The following GRIP1 variants were observed in gnomAD, a reference collection of about 807,000 sequenced individuals.
GRIP1 encodes the protein glutamate receptor interacting protein 1.
In GRIP1, 45 loss-of-function variants were observed where a neutral mutation model predicts 129.9. The observed-to-expected ratio is 0.35, with a 90% CI of 0.27 to 0.44. The LOEUF (loss-of-function observed/expected upper bound fraction) is 0.44. GRIP1 is among the 20% of genes least tolerant of loss of function. The pLI, the probability that GRIP1 is intolerant of heterozygous loss-of-function variation, is 1.00. For missense variants in GRIP1, 1,196 were observed against 1,396.8 expected (o/e 0.86, Z 2.29); for synonymous variants, 530 against 520.8 (o/e 1.02, Z -0.24).
At chr12:67,066,323 G>T (rs994304696) in intron 1 of GRIP1, among the ~76,000 whole-genome samples, 5 of 152,170 alleles carry the variant, frequency 3.3e-5, no homozygotes, top group African/African-American at 1.2e-4. Flanking sequence ...TCTTTTTTAG[G>T]AATAAGGCTA....
chr12:66,837,910 G>A (rs1174672498), intron 1 of GRIP1, among the ~76,000 whole-genome samples: 1 of 152,128 alleles, frequency 6.6e-6, no homozygotes, highest in African/African-American at 2.4e-5. Context: ...AATCCAGCAG[G>A]AGGCTGGGCG....
chr12:66,450,578 T>TA (rs1404977052), intron 11 of GRIP1, among the ~76,000 whole-genome samples: 1 of 151,564 alleles, frequency 6.6e-6, no homozygotes, highest in African/African-American at 2.4e-5. Context: ...ATTTAGGATT[T>TA]AAAATAAATT....
intron 2 of GRIP1, among the ~76,000 whole-genome samples, chr12:66,560,534 CAA>C (rs912125598): frequency 6.7e-6 from 1 of 149,870 alleles, no homozygotes; most frequent in Admixed American, 6.7e-5. Context: ...AGACATTTCT[CAA>C]AAAAAAAGAG....
intron 7 of GRIP1, among the ~76,000 whole-genome samples, chr12:66,487,868 A>G (rs1308605697): frequency 6.7e-6 from 1 of 150,256 alleles, no homozygotes; most frequent in African/African-American, 2.5e-5. Flanking sequence ...AAACCAACAA[A>G]GATAAAAAAG....
rs545378430 is a variant in GRIP1 at position 66,666,838 on chromosome 12, C to A, written c.55+12012G>T. 2.6e-5 allele frequency among the ~76,000 whole-genome samples: 4 copies of A among 151,060 alleles called. No homozygotes were observed. The East Asian group carries it at 5.8e-4, about 22-fold the overall frequency. ...TTATTTTATGCTCACCCTTGATAGA[C>A]ATTTTTAGGTTTGAAGCATTTCTTC... On this transcript the variant is annotated intron_variant, in intron 1 of 24. Coordinates refer to ENST00000359742, the MANE Select transcript of GRIP1 (RefSeq NM_001366722.1).
Position 66,435,127 on chromosome 12 carries a change from A to C in GRIP1, c.1688-2499T>G, listed in dbSNP as rs146527145. On this transcript the variant is annotated intron_variant, in intron 13 of 24. Transcript: ENST00000359742. ...AAAAATGATTTGATTACTTGGATAAAGCACACAAATGGCCCATAAGTAAAT... is the reference window on the plus strand; with the variant it reads ...AAAAATGATTTGATTACTTGGATAACGCACACAAATGGCCCATAAGTAAAT... Among the ~76,000 whole-genome samples the C allele has an allele frequency of 1.4e-3, 210 of 152,310 alleles. 4 individuals are homozygous for C. The highest frequency in any genetic ancestry group is 4.8e-3 in the African/African-American group (199 of 41,566).
At chr12:66,421,405 A>G (rs1327593212) in intron 14 of GRIP1, among the ~76,000 whole-genome samples, 1 of 152,130 alleles carries the variant, frequency 6.6e-6, no homozygotes, top group Non-Finnish European at 1.5e-5. Flanking sequence ...TTAGAAAGGC[A>G]TGGTGGCACA....
At chr12:66,675,487 A>G (rs1475453354) in intron 1 of GRIP1, among the ~76,000 whole-genome samples, 1 of 152,136 alleles carries the variant, frequency 6.6e-6, no homozygotes, top group Non-Finnish European at 1.5e-5. Flanking sequence ...GAAAAAGAAC[A>G]AAGTCTGTGG....
intron 7 of GRIP1, among the ~76,000 whole-genome samples, chr12:66,497,126 T>G (rs775941334): frequency 3.3e-5 from 5 of 152,178 alleles, no homozygotes; most frequent in Non-Finnish European, 7.3e-5. Context: ...ATGCATGTAG[T>G]GGCAAAAATG....
intron 1 of GRIP1, among the ~76,000 whole-genome samples, chr12:66,989,776 G>A (rs2042367432): frequency 6.6e-6 from 1 of 152,144 alleles, no homozygotes. Flanking sequence ...GGAATCCCTG[G>A]CTCCAACATG....
chr12:66,498,033 C>T (rs562544434), intron 7 of GRIP1, among the ~76,000 whole-genome samples: 17 of 152,138 alleles, frequency 1.1e-4, no homozygotes, highest in Non-Finnish European at 2.2e-4. Context: ...GACCCCCACT[C>T]CTGCCCGCCA....
intron 1 of GRIP1, among the ~76,000 whole-genome samples, chr12:66,715,871 A>C (rs1373082502): frequency 6.6e-6 from 1 of 152,176 alleles, no homozygotes; most frequent in African/African-American, 2.4e-5. Context: ...AGGAACATTC[A>C]TCAGGCCAGC....
At chr12:66,932,193 C>A (rs924655573) in intron 1 of GRIP1, among the ~76,000 whole-genome samples, 1 of 151,916 alleles carries the variant, frequency 6.6e-6, no homozygotes, top group Non-Finnish European at 1.5e-5. Flanking sequence ...GTGGTAGGAC[C>A]CAAGAATTAA....
intron 23 of GRIP1, among the ~76,000 whole-genome samples, chr12:66,365,020 T>G (rs748563970): frequency 6.6e-6 from 1 of 152,190 alleles, no homozygotes; most frequent in Non-Finnish European, 1.5e-5. Context: ...ACAGAGGTCA[T>G]GAATATGCTA....
chr12:66,930,378 T>C (rs983433661), intron 1 of GRIP1, among the ~76,000 whole-genome samples: 5 of 149,914 alleles, frequency 3.3e-5, no homozygotes, highest in African/African-American at 1.2e-4. Flanking sequence ...GTTCTTGCGA[T>C]AGTTTACTGA....
intron 1 of GRIP1, among the ~76,000 whole-genome samples, chr12:66,716,518 G>GA (rs769060810): frequency 6.7e-6 from 1 of 149,096 alleles, no homozygotes; most frequent in East Asian, 2.0e-4. Context: ...AATAAATTTT[G>GA]AAAAAAAAAT....
chr12:66,899,600 T>C (rs1022134950), intron 1 of GRIP1, among the ~76,000 whole-genome samples: 1 of 152,110 alleles, frequency 6.6e-6, no homozygotes, highest in Non-Finnish European at 1.5e-5. Context: ...CCTGGCCTAA[T>C]GCAATCCTCC....
intron 1 of GRIP1, among the ~76,000 whole-genome samples, chr12:66,992,919 G>A (rs751902961): frequency 2.6e-5 from 4 of 152,066 alleles, no homozygotes; most frequent in Admixed American, 6.6e-5. Context: ...TTGAGACCAC[G>A]CTGGGCAACA....
intron 1 of GRIP1, among the ~76,000 whole-genome samples, chr12:66,748,263 C>T (rs995248834): frequency 2.0e-5 from 3 of 152,134 alleles, no homozygotes; most frequent in Admixed American, 2.0e-4. Context: ...GTGATCCGCC[C>T]ACCTTGGTCT....
Sources: allele counts gnomAD v4.1 joint callset (sites outside exome capture counted in the v4.1 genomes callset), GRCh38; gene constraint gnomAD v4.1.1; transcripts MANE v1.5; gene names NCBI Gene and HGNC (gene_info 2026-07-23, HGNC 2026-07-21).